The following PHF8 variants were observed in gnomAD, a reference collection of about 807,000 sequenced individuals.
PHF8 encodes the protein PHD finger protein 8, also known as histone lysine demethylase PHF8.
A neutral mutation model predicts 74.4 loss-of-function variants in PHF8; 9 were observed. The ratio of observed to expected loss-of-function variants is 0.12; its 90% CI spans 0.07 to 0.21. PHF8 has a LOEUF of 0.21. Among genes scored for constraint, PHF8 ranks in the 10% least tolerant of loss-of-function variants. The probability of loss-of-function intolerance (pLI) is 1.00; values close to 1 mark genes in which losing one functional copy is unlikely to be tolerated. For synonymous variants in PHF8, 311 were observed against 316.6 expected, an observed-to-expected ratio of 0.98 and a Z score of 0.19; for missense variants, 478 against 816.6, an observed-to-expected ratio of 0.59 and a Z score of 5.05.
intron 19 of PHF8, among the ~76,000 whole-genome samples, chrX:53,961,914 T>A (rs1181601232): frequency 8.9e-6 from 1 of 111,986 alleles, no homozygotes; most frequent in Non-Finnish European, 1.9e-5. Context: ...GTGCAATCTA[T>A]TTCCCAACCA....
At chrX:53,983,387 A>G (rs917405667) in intron 18 of PHF8, among the ~76,000 whole-genome samples, 3 of 111,734 alleles carry the variant, frequency 2.7e-5, no homozygotes, top group Non-Finnish European at 5.6e-5. Context: ...AAAATGGGTG[A>G]AAGACTGAAT....
chrX:54,046,663 A>G (rs2066636347), upstream of PHF8, among the ~76,000 whole-genome samples: 1 of 110,011 alleles, frequency 9.1e-6, no homozygotes, highest in Admixed American at 9.8e-5. Context: ...CAATTCCTTC[A>G]CCTGGGTAAT....
At chrX:54,026,675 C>A (rs975136480) in intron 2 of PHF8, among the ~76,000 whole-genome samples, 1 of 111,053 alleles carries the variant, frequency 9.0e-6, no homozygotes, top group African/African-American at 3.3e-5. Flanking sequence ...TAGTTCACTG[C>A]AGCCTTTAAC....
intron 19 of PHF8, among the ~76,000 whole-genome samples, chrX:53,955,771 A>G (rs1327896561): frequency 9.1e-6 from 1 of 109,741 alleles, no homozygotes; most frequent in African/African-American, 3.3e-5. Context: ...AGAAATATAC[A>G]TACATAGATG....
At chrX:53,966,649 G>A (rs1266248970) in intron 18 of PHF8, among the ~76,000 whole-genome samples, 1 of 111,881 alleles carries the variant, frequency 8.9e-6, no homozygotes. Flanking sequence ...CTGCCCGGCC[G>A]CCACTCCGTC....
At chrX:54,001,613 A>G (rs1048441851) in intron 10 of PHF8, among the ~76,000 whole-genome samples, 13 of 112,143 alleles carry the variant, frequency 1.2e-4, no homozygotes, top group African/African-American at 4.2e-4. Flanking sequence ...GAAACTATAA[A>G]GGGACTATAA....
chrX:53,977,972 T>G (rs1603309599), intron 18 of PHF8, among the ~76,000 whole-genome samples: 1 of 64,831 alleles, frequency 1.5e-5, no homozygotes, highest in Non-Finnish European at 2.8e-5. Context: ...TGAGATGGAG[T>G]CTCACTCTGT....
chrX:53,961,542 G>C (rs1337233567), intron 19 of PHF8, among the ~76,000 whole-genome samples: 1 of 110,964 alleles, frequency 9.0e-6, no homozygotes, highest in East Asian at 2.8e-4. Flanking sequence ...GGTCAGGCTG[G>C]TCCTGACCTC....
rs1237922683 is a variant in PHF8 at position 53,937,997 on chromosome X, C to A, written c.*1161G>T. The A allele has an allele frequency of 1.7e-6, 2 of 1,162,161 alleles. No individual in the cohort carries two copies. Among genetic ancestry groups the A allele is most frequent in the African/African-American group, 3.6e-5 (2 of 55,036 alleles). On this transcript the variant is annotated 3_prime_UTR_variant, in exon 22 of 22. Transcript: ENST00000338154. ...TCTGCTCCTTCACGGATGGGCGTCTCTTCTCTTCAACTTGGGCTCGTGAAT... is the reference window on the plus strand; with the variant it reads ...TCTGCTCCTTCACGGATGGGCGTCTATTCTCTTCAACTTGGGCTCGTGAAT...
At chrX:54,023,107 C>T (rs1328608530) in intron 2 of PHF8, among the ~76,000 whole-genome samples, 4 of 110,771 alleles carry the variant, frequency 3.6e-5, no homozygotes, top group African/African-American at 9.9e-5. Flanking sequence ...TCCCAATTAG[C>T]TGGGATTATA....
At chrX:53,965,817 T>A (rs1050556316) in intron 18 of PHF8, among the ~76,000 whole-genome samples, 1 of 109,311 alleles carries the variant, frequency 9.1e-6, no homozygotes, top group African/African-American at 3.3e-5. Flanking sequence ...ACTTCCAGAG[T>A]AAACCACATT....
chrX:54,027,043 T>G (rs1019151934), intron 2 of PHF8, among the ~76,000 whole-genome samples: 6 of 111,513 alleles, frequency 5.4e-5, no homozygotes, highest in African/African-American at 2.0e-4. Flanking sequence ...CCCATCCTTT[T>G]TTTCCTATCA....
upstream of PHF8, chrX:54,045,232 A>AG (rs782775004): frequency 7.4e-4 from 154 of 207,030 alleles, no homozygotes; most frequent in African/African-American, 4.3e-3. Flanking sequence ...AGGGGAGAGG[A>AG]GGGGGGATGA....
In PHF8 at chrX:54,044,372, G is replaced by A. The variant is rs1486108779; in HGVS notation, c.-703C>T. The A allele has an allele frequency of 5.3e-6, 4 of 750,180 alleles. No homozygotes were observed. Among genetic ancestry groups the A allele is most frequent in the Non-Finnish European group, 6.3e-6 (4 of 635,687 alleles). 61.8% of individuals were successfully genotyped at this position (750,180 alleles called of 1,213,427 possible). A position where few individuals can be genotyped will look rare whatever the true frequency, so the allele number is the denominator to read the frequency against. ...AAAACAATGAGGAAGTTGAGGCGGA[G>A]AGGGGAGGAGAAATACGGGATAAAC... On this transcript the variant is annotated 5_prime_UTR_variant, in exon 1 of 22. Transcript: ENST00000338154.
At chrX:53,967,564 C>T (rs1203773830) in intron 18 of PHF8, among the ~76,000 whole-genome samples, 2 of 113,078 alleles carry the variant, frequency 1.8e-5, no homozygotes, top group African/African-American at 6.4e-5. Flanking sequence ...GCCGCCCCTA[C>T]TGGGAAGTGA....
At chrX:54,039,967 G>A (rs1463193001) in intron 2 of PHF8, 3 of 112,489 alleles carry the variant, frequency 2.7e-5, no homozygotes, top group South Asian at 7.2e-4. Context: ...GGGAGTTAAT[G>A]CAACAACAAA....
At chrX:54,000,327 T>G (rs1490969888) in intron 10 of PHF8, among the ~76,000 whole-genome samples, 1 of 111,788 alleles carries the variant, frequency 8.9e-6, no homozygotes, top group African/African-American at 3.3e-5. Flanking sequence ...GACATTACTG[T>G]GCCTCCTGGG....
chrX:53,986,352 C>T (rs1161506042), intron 16 of PHF8, among the ~76,000 whole-genome samples: 5 of 112,421 alleles, frequency 4.4e-5, no homozygotes, highest in African/African-American at 6.5e-5. Flanking sequence ...AGCGATTCTT[C>T]GGCCTCAGCC....
At chrX:53,975,433 A>G (rs1335489790) in intron 18 of PHF8, among the ~76,000 whole-genome samples, 2 of 112,582 alleles carry the variant, frequency 1.8e-5, no homozygotes, top group African/African-American at 6.4e-5. Context: ...GTTCACTGCA[A>G]TACTATTCAC....
Sources: gnomAD v4.1 joint callset for allele counts (sites outside exome capture counted in the v4.1 genomes callset) on GRCh38, gnomAD v4.1.1 for gene constraint, MANE v1.5 for transcripts, NCBI Gene and HGNC (gene_info 2026-07-23, HGNC 2026-07-21) for gene names.